GLMN: variants seen among roughly 807,000 people sequenced by gnomAD.
GLMN encodes the protein glomulin, FKBP associated protein.
In GLMN, 75 loss-of-function variants were observed where a neutral mutation model predicts 87.8. The ratio of observed to expected loss-of-function variants is 0.85; its 90% CI spans 0.71 to 1.04. The LOEUF is 1.04. GLMN is among the 50% of genes least tolerant of loss of function. GLMN has a pLI of 0.00. For missense variants in GLMN, 588 were observed against 658.8 expected (o/e 0.89, Z 1.18); for synonymous variants, 206 against 221.6 (o/e 0.93, Z 0.63).
chr1:92,269,713 A>C lies in GLMN; in HGVS notation c.977+10T>G. On this transcript the variant is annotated intron_variant, in intron 9 of 18. Transcript: ENST00000370360. ...TATTTCATTTTGAGATACCATCTAA[A>C]CGATCTTACCTTTGCAAAAAGACTT... 1 of 1,589,804 alleles carries C rather than the reference A, an allele frequency of 6.3e-7. No homozygotes were observed. Among genetic ancestry groups the C allele is most frequent in the Non-Finnish European group, 8.6e-7 (1 of 1,158,020 alleles).
At chr1:92,300,675 G>C (rs1279480653), upstream of GLMN, among the ~76,000 whole-genome samples, 2 of 152,196 alleles carry the variant, frequency 1.3e-5, no homozygotes, top group African/African-American at 4.8e-5. Flanking sequence ...ATCACACAGA[G>C]TTTCTAGAAG....
At chr1:92,280,700 AAGG>A (rs1222343549) in intron 7 of GLMN, among the ~76,000 whole-genome samples, 1 of 139,316 alleles carries the variant, frequency 7.2e-6, no homozygotes, top group African/African-American at 3.3e-5. Context: ...AACCCATCAC[AAGG>A]AGGATAAAAA....
At chr1:92,289,506 T>A (rs1649157883) in intron 5 of GLMN, among the ~76,000 whole-genome samples, 2 of 152,176 alleles carry the variant, frequency 1.3e-5, no homozygotes, top group Admixed American at 6.6e-5. Context: ...ATTATTAGAT[T>A]TTTTTTCCCT....
chr1:92,301,804 A>G (rs905855838), upstream of GLMN, among the ~76,000 whole-genome samples: 3 of 152,242 alleles, frequency 2.0e-5, no homozygotes, highest in Non-Finnish European at 1.5e-5. Context: ...ATAAGTACGT[A>G]ACAAGGTGAT....
upstream of GLMN, among the ~76,000 whole-genome samples, chr1:92,302,330 GAAAA>G (rs777891331): frequency 1.5e-5 from 2 of 132,162 alleles, no homozygotes; most frequent in Admixed American, 7.7e-5. Flanking sequence ...GGATGGGGGA[GAAAA>G]AAAAAAAAAG....
upstream of GLMN, among the ~76,000 whole-genome samples, chr1:92,302,664 G>C (rs1192192341): frequency 2.1e-5 from 3 of 139,904 alleles, no homozygotes; most frequent in African/African-American, 5.2e-5. Flanking sequence ...TGCAGTGGCG[G>C]GATCTCTGCT....
the GLMN span, among the ~76,000 whole-genome samples, chr1:92,331,361 G>A: frequency 6.6e-6 from 1 of 152,046 alleles, no homozygotes; most frequent in Non-Finnish European, 1.5e-5. Context: ...CAGTATTTGG[G>A]TTTAAATCTA....
chr1:92,330,416 C>G, the GLMN span, among the ~76,000 whole-genome samples: 1 of 128,604 alleles, frequency 7.8e-6, no homozygotes, highest in Non-Finnish European at 1.7e-5. Context: ...ATCTTTTCCT[C>G]TGATTTTCTT....
the GLMN span, among the ~76,000 whole-genome samples, chr1:92,306,881 A>C: frequency 1.3e-5 from 2 of 152,226 alleles, no homozygotes; most frequent in Non-Finnish European, 2.9e-5. Context: ...AATGTTTAAA[A>C]ATAGGCAAAA....
upstream of GLMN, chr1:92,299,093 C>T (rs371177251): frequency 1.2e-4 from 175 of 1,518,560 alleles, no homozygotes; most frequent in South Asian, 1.0e-3. Flanking sequence ...TTCGCTGGGC[C>T]GTCTTCTGCC....
the GLMN span, among the ~76,000 whole-genome samples, chr1:92,370,791 T>C: frequency 6.6e-6 from 1 of 152,150 alleles, no homozygotes; most frequent in Non-Finnish European, 1.5e-5. Context: ...CCCAAAACAG[T>C]TGAGTCTTCA....
At chr1:92,295,226 C>T (rs1440663334) in intron 3 of GLMN, among the ~76,000 whole-genome samples, 2 of 151,336 alleles carry the variant, frequency 1.3e-5, no homozygotes, top group African/African-American at 4.8e-5. Context: ...CTTGGCAGGC[C>T]TCTTCTCTCT....
chr1:92,361,118 T>C, the GLMN span, among the ~76,000 whole-genome samples: 441 of 5,546 alleles, frequency 0.08, 4 homozygotes, highest in East Asian at 0.44. Flanking sequence ...CACACACACA[T>C]ATATATATAT....
intron 16 of GLMN, among the ~76,000 whole-genome samples, chr1:92,253,267 A>C (rs763545907): frequency 2.0e-5 from 3 of 152,190 alleles, no homozygotes; most frequent in Non-Finnish European, 2.9e-5. Flanking sequence ...CAGCAGCTCC[A>C]GTCAGGGGCT....
chr1:92,291,530 A>C lies in GLMN; in HGVS notation c.173T>G (p.Ile58Ser). 1 of 1,613,772 alleles carries C rather than the reference A, an allele frequency of 6.2e-7. No individual in the cohort carries two copies. Among genetic ancestry groups the C allele is most frequent in the Non-Finnish European group, 8.5e-7 (1 of 1,179,694 alleles). Residue 58 changes from isoleucine (I) to serine (S), a missense_variant, in exon 4 of 19, where the codon ATC (isoleucine) becomes AGC (serine). By Grantham distance (142) the Ile-to-Ser change is moderately radical. Transcript: ENST00000370360. ...IIQNEKNKVI[I>S]KNMGWNLVGP... ...AACGAGATTCCAGCCCATATTCTTG[A>C]TGATGACCTGTAAAAACATTTTCAG...
At chr1:92,365,397 A>G in the GLMN span, among the ~76,000 whole-genome samples, 1 of 151,930 alleles carries the variant, frequency 6.6e-6, no homozygotes, top group Non-Finnish European at 1.5e-5. Flanking sequence ...GAGGTTTTAA[A>G]AAAATACTAA....
the GLMN span, among the ~76,000 whole-genome samples, chr1:92,366,643 G>C: frequency 5.3e-5 from 8 of 152,300 alleles, no homozygotes; most frequent in Non-Finnish European, 1.0e-4. Flanking sequence ...GGCAGAGAAA[G>C]AGTTAATATT....
chr1:92,308,378 CT>C, the GLMN span, among the ~76,000 whole-genome samples: 5 of 152,162 alleles, frequency 3.3e-5, no homozygotes, highest in African/African-American at 1.2e-4. Context: ...GCTAAGAGTA[CT>C]TTTTTACTTA....
At chr1:92,251,555 TAATG>T (rs530583992) in intron 16 of GLMN, among the ~76,000 whole-genome samples, 12 of 152,182 alleles carry the variant, frequency 7.9e-5, no homozygotes, top group African/African-American at 2.4e-4. Flanking sequence ...AACCCATAAA[TAATG>T]AATCATAAAA....
Sources: allele counts gnomAD v4.1 joint callset (sites outside exome capture counted in the v4.1 genomes callset), GRCh38; gene constraint gnomAD v4.1.1; transcripts MANE v1.5; gene names NCBI Gene and HGNC (gene_info 2026-07-23, HGNC 2026-07-21).